The following AHRR variants were observed in gnomAD, a reference collection of about 807,000 sequenced individuals.
The protein encoded by AHRR is ahR repressor.
A neutral mutation model predicts 44.0 loss-of-function variants in AHRR; 28 were observed. That is an observed-to-expected ratio of 0.64 (90% CI 0.47 to 0.87). The LOEUF is 0.87. Among genes scored for constraint, AHRR ranks in the 40% least tolerant of loss-of-function variants. The pLI, the probability that AHRR is intolerant of heterozygous loss-of-function variation, is 0.00. For missense variants in AHRR, 990 were observed against 953.9 expected (o/e 1.04, Z -0.50); for synonymous variants, 434 against 407.0 (o/e 1.07, Z -0.80).
chr5:329,080 A>G (rs1027451762), intron 1 of AHRR, among the ~76,000 whole-genome samples: 1 of 152,234 alleles, frequency 6.6e-6, no homozygotes, highest in African/African-American at 2.4e-5. Context: ...GTGAATTCTC[A>G]TAAGATCTGA....
intron 3 of AHRR, among the ~76,000 whole-genome samples, chr5:372,690 G>A (rs1191943166): frequency 2.6e-5 from 4 of 152,114 alleles, no homozygotes; most frequent in East Asian, 3.9e-4. Context: ...CGCCTCCCCC[G>A]CCCCTACCAG....
At chr5:381,012 A>G (rs1579644840) in intron 4 of AHRR, among the ~76,000 whole-genome samples, 1 of 152,242 alleles carries the variant, frequency 6.6e-6, no homozygotes, top group East Asian at 1.9e-4. Context: ...CTGGAGTCTA[A>G]GAGCTGAGGA....
At chr5:371,461 TG>T (rs1743578636) in intron 3 of AHRR, among the ~76,000 whole-genome samples, 2 of 152,228 alleles carry the variant, frequency 1.3e-5, no homozygotes, top group South Asian at 4.1e-4. Flanking sequence ...AGTGAGTCTC[TG>T]GGGCTCTGAA....
chr5:322,856 G>T (rs987985419), intron 1 of AHRR, among the ~76,000 whole-genome samples: 2 of 151,826 alleles, frequency 1.3e-5, no homozygotes, highest in Admixed American at 6.6e-5. Context: ...CCGCTTCGAC[G>T]GGGGGGACGC....
Position 434,536 on chromosome 5 carries a change from G to C in AHRR, c.1796G>C (p.Arg599Thr). Residue 599 changes from arginine (R) to threonine (T), a missense_variant, in exon 11 of 11, where the codon AGG becomes ACG. Arg to Thr is a moderately conservative substitution (Grantham distance 71). Transcript: ENST00000684583. ...HGVRGAQPHG[R>T]ATAGRSRELT... Reference sequence around the variant, plus strand: ...GTGCGGGGGGCTCAGCCCCATGGGAGGGCCACTGCTGGGCGCAGCAGGGAG... The same window carrying C: ...GTGCGGGGGGCTCAGCCCCATGGGACGGCCACTGCTGGGCGCAGCAGGGAG... 1 of 1,610,164 alleles carries C rather than the reference G, an allele frequency of 6.2e-7. No individual in the cohort carries two copies. The highest frequency in any genetic ancestry group is 8.5e-7 in the Non-Finnish European group (1 of 1,178,832).
At chr5:372,292 G>C in intron 3 of AHRR, among the ~76,000 whole-genome samples, 1 of 152,124 alleles carries the variant, frequency 6.6e-6, no homozygotes. Context: ...GGGCCTCATG[G>C]AGGCATGTCC....
In AHRR at chr5:434,288, G is replaced by C; in HGVS notation, c.1548G>C (p.Pro516=). Residue 516 remains proline (P), a synonymous_variant, in exon 11 of 11, where the codon CCG becomes CCC. Coordinates refer to ENST00000684583, the MANE Select transcript of AHRR (RefSeq NM_001377236.1). The stretch of plus-strand genomic sequence containing the variant: ...AGGACATGAAGCTGCAAGGTGTACC[G>C]ATGCCTCCGGGGGACCTGTGTGGTC... ...PMEDMKLQGV[P]MPPGDLCGPT... 3 of 1,607,968 alleles carry C rather than the reference G, an allele frequency of 1.9e-6. No individual in the cohort carries two copies. The highest frequency in any genetic ancestry group is 2.5e-6 in the Non-Finnish European group (3 of 1,176,936).
rs1736113410 is a variant in AHRR, at chr5:421,427, C to T, written c.442-1302C>T. ...CCGGACTCAGAGGCACAGGCAGAAG[C>T]AGCCTCGCGGGTGCCGGCGATGCCC... On this transcript the variant is annotated intron_variant, in intron 5 of 10. Coordinates refer to ENST00000684583, the MANE Select transcript of AHRR (RefSeq NM_001377236.1). The T allele has an allele frequency of 1.1e-5, 6 of 548,272 alleles. No homozygotes were observed. In the East Asian group the frequency reaches 1.7e-4, roughly 16 times the overall value. The allele number at this position is 548,272 out of a possible 1,614,324, so 34.0% of individuals were successfully genotyped here.
intron 4 of AHRR, among the ~76,000 whole-genome samples, chr5:398,165 CCTGACCATCCACGTAGCTCCT>C (rs1560907589): frequency 6.2e-5 from 8 of 129,548 alleles, no homozygotes; most frequent in African/African-American, 2.2e-4. Flanking sequence ...CCACGTAGCC[CCTGACCATCCACGTAGCTCCT>C]GACCATCCAC....
intron 5 of AHRR, among the ~76,000 whole-genome samples, chr5:421,805 G>C (rs1175511909): frequency 1.3e-5 from 2 of 152,194 alleles, no homozygotes; most frequent in East Asian, 3.9e-4. Flanking sequence ...CCTTGCCATT[G>C]GGTTGCTTGA....
intron 1 of AHRR, among the ~76,000 whole-genome samples, chr5:336,460 A>T (rs1351810029): frequency 1.3e-5 from 2 of 152,194 alleles, no homozygotes; most frequent in East Asian, 1.9e-4. Context: ...ACCACCTTTT[A>T]AAAAAAGCCT....
At position 404,226 on chromosome 5, in the gene AHRR, A is replaced by G. The variant is rs1448746549; in HGVS notation, c.352-9118A>G. 4 of 517,480 alleles carry G rather than the reference A, an allele frequency of 7.7e-6. No individual in the cohort carries two copies. The highest frequency in any genetic ancestry group is 4.7e-5 in the East Asian group (1 of 21,448). The allele number at this position is 517,480 out of a possible 1,614,324, so 32.1% of individuals were successfully genotyped here. Reference sequence around the variant, plus strand: ...AACCCGTCGCAGCTCTCGCTCATCCATGAGTCTAATCACATCTGCTCCATG... The same window carrying G: ...AACCCGTCGCAGCTCTCGCTCATCCGTGAGTCTAATCACATCTGCTCCATG... On this transcript the variant is annotated intron_variant, in intron 4 of 10. Coordinates refer to ENST00000684583, the MANE Select transcript of AHRR (RefSeq NM_001377236.1). The surrounding 1 kb of genome is among the most constrained non-coding windows in gnomAD (Gnocchi z 4.1).
chr5:342,369 C>T lies in AHRR; in HGVS notation c.-10-1524C>T, dbSNP rs1466362542. On this transcript the variant is annotated intron_variant, in intron 1 of 10. Coordinates refer to ENST00000684583, the MANE Select transcript of AHRR (RefSeq NM_001377236.1). The surrounding 1 kb of genome is among the most constrained non-coding windows in gnomAD (Gnocchi z 4.3). The stretch of plus-strand genomic sequence containing the variant: ...TAGGTACATTTACCTTTAGGATTGT[C>T]AGATCTTCTTGGAAAATTGACCTCT... Among the ~76,000 whole-genome samples the T allele has an allele frequency of 6.6e-6, 1 of 152,168 alleles. No homozygotes were observed. Among genetic ancestry groups the T allele is most frequent in the Non-Finnish European group, 1.5e-5 (1 of 68,032 alleles).
intron 3 of AHRR, among the ~76,000 whole-genome samples, chr5:361,905 G>A (rs1743198155): frequency 6.6e-6 from 1 of 152,214 alleles, no homozygotes; most frequent in South Asian, 2.1e-4. Flanking sequence ...ATGCTGGAAT[G>A]GGTTAAGACG....
At chr5:376,914 T>G (rs1396770226) in intron 4 of AHRR, among the ~76,000 whole-genome samples, 198 bp downstream of exon 4, 1 of 152,082 alleles carries the variant, frequency 6.6e-6, no homozygotes, top group Non-Finnish European at 1.5e-5. Context: ...GGGTCAGCCT[T>G]GGGTGTGAGC....
At chr5:426,688 T>C (rs1736413906) in intron 7 of AHRR, among the ~76,000 whole-genome samples, 1 of 146,952 alleles carries the variant, frequency 6.8e-6, no homozygotes, top group Admixed American at 6.7e-5. Context: ...GATGGATGGA[T>C]AGATGGATGG....
chr5:324,901 C>G (rs776389194), intron 1 of AHRR, among the ~76,000 whole-genome samples: 2 of 152,214 alleles, frequency 1.3e-5, no homozygotes, highest in Non-Finnish European at 2.9e-5. Context: ...GCCCCTCCCC[C>G]ACACCGCCCA....
chr5:426,868 G>A (rs201966102), intron 7 of AHRR, among the ~76,000 whole-genome samples: 1 of 149,684 alleles, frequency 6.7e-6, no homozygotes, highest in Non-Finnish European at 1.5e-5. Context: ...TGGGTGGATG[G>A]ATGGATGGAT....
intron 1 of AHRR, among the ~76,000 whole-genome samples, chr5:332,828 A>G (rs1437567278): frequency 1.3e-5 from 2 of 151,478 alleles, no homozygotes; most frequent in Non-Finnish European, 2.9e-5. Flanking sequence ...TATTTGTTTT[A>G]TAAATCTGGG....
Sources: allele counts gnomAD v4.1 joint callset (sites outside exome capture counted in the v4.1 genomes callset), GRCh38; gene constraint gnomAD v4.1.1; non-coding constraint Gnocchi (gnomAD v3.1); transcripts MANE v1.5; gene names NCBI Gene and HGNC (gene_info 2026-07-23, HGNC 2026-07-21).